RERG: variants seen among roughly 807,000 people sequenced by gnomAD.
RERG encodes RAS like estrogen regulated growth inhibitor.
A neutral mutation model predicts 23.2 loss-of-function variants in RERG; 25 were observed. The observed-to-expected ratio is 1.08, with a 90% CI of 0.79 to 1.50. The LOEUF (loss-of-function observed/expected upper bound fraction) is 1.50, where lower values mean the gene tolerates loss of function less well. Ranked by LOEUF, RERG falls within the 40% of genes most tolerant of loss-of-function variation. The probability of loss-of-function intolerance (pLI) is 0.00; values close to 1 mark genes in which losing one functional copy is unlikely to be tolerated. For missense variants in RERG, 253 were observed against 250.1 expected, an observed-to-expected ratio of 1.01 and a Z score of -0.08; for synonymous variants, 81 against 89.1, an observed-to-expected ratio of 0.91 and a Z score of 0.51.
intron 2 of RERG, among the ~76,000 whole-genome samples, chr12:15,169,701 C>A (rs575452541): frequency 6.6e-6 from 1 of 152,198 alleles, no homozygotes; most frequent in African/African-American, 2.4e-5. Flanking sequence ...CCCTAGAGAA[C>A]CCTAATACAA....
At chr12:15,214,557 A>G (rs1865414690) in intron 2 of RERG, among the ~76,000 whole-genome samples, 1 of 152,248 alleles carries the variant, frequency 6.6e-6, no homozygotes, top group African/African-American at 2.4e-5. Flanking sequence ...AGTTACCTAT[A>G]AGACTGATAA....
At chr12:15,119,335 T>C (rs558573741) in intron 3 of RERG, among the ~76,000 whole-genome samples, 1 of 152,248 alleles carries the variant, frequency 6.6e-6, no homozygotes, top group African/African-American at 2.4e-5. Context: ...ATGGTTAAAC[T>C]AAGACTAATT....
intron 2 of RERG, among the ~76,000 whole-genome samples, chr12:15,184,441 A>G (rs2136130798): frequency 6.6e-6 from 1 of 152,296 alleles, no homozygotes; most frequent in East Asian, 1.9e-4. Flanking sequence ...AAGAAAAAAA[A>G]AGAAATATGA....
intron 2 of RERG, among the ~76,000 whole-genome samples, chr12:15,197,142 C>G (rs1865156294): frequency 6.6e-6 from 1 of 152,148 alleles, no homozygotes; most frequent in African/African-American, 2.4e-5. Context: ...ATATGTCAGA[C>G]AAACACACAA....
chr12:15,167,251 A>G (rs1864708610), intron 2 of RERG, among the ~76,000 whole-genome samples: 1 of 152,138 alleles, frequency 6.6e-6, no homozygotes, highest in African/African-American at 2.4e-5. Context: ...TTGCCCTGAG[A>G]GGAGTCCAGG....
chr12:15,132,637 C>T (rs1438859416), intron 2 of RERG, among the ~76,000 whole-genome samples: 2 of 152,136 alleles, frequency 1.3e-5, no homozygotes, highest in Admixed American at 6.5e-5. Context: ...ACTGGCTGTA[C>T]CATTTTGCAT....
chr12:15,125,083 A>C (rs1225168862), intron 2 of RERG, among the ~76,000 whole-genome samples: 1 of 151,958 alleles, frequency 6.6e-6, no homozygotes, highest in African/African-American at 2.4e-5. Context: ...GTACCTTCAC[A>C]AAAAAATACA....
At chr12:15,189,823 A>T (rs1480451391) in intron 2 of RERG, among the ~76,000 whole-genome samples, 1 of 152,160 alleles carries the variant, frequency 6.6e-6, no homozygotes, top group Non-Finnish European at 1.5e-5. Flanking sequence ...TGTTCTCAAA[A>T]ATTCATGGAA....
chr12:15,191,438 C>T (rs1167299642), intron 2 of RERG, among the ~76,000 whole-genome samples: 1 of 152,108 alleles, frequency 6.6e-6, no homozygotes, highest in South Asian at 2.1e-4. Context: ...TAATCTATTC[C>T]TCATAGGGAA....
chr12:15,142,191 T>C (rs11613250), intron 2 of RERG, among the ~76,000 whole-genome samples: 33,163 of 152,104 alleles, frequency 0.22, 3,723 homozygotes, highest in Admixed American at 0.29. Context: ...TTTACATATT[T>C]TATCTTTTAG....
At chr12:15,126,828 CT>C (rs1187682316) in intron 2 of RERG, among the ~76,000 whole-genome samples, 3 of 149,430 alleles carry the variant, frequency 2.0e-5, no homozygotes, top group Admixed American at 1.4e-4. Context: ...TGCCATTCTC[CT>C]GCCTCAGCCT....
At chr12:15,123,093 G>A (rs749966934) in intron 2 of RERG, among the ~76,000 whole-genome samples, 1 of 152,182 alleles carries the variant, frequency 6.6e-6, no homozygotes, top group Non-Finnish European at 1.5e-5. Context: ...CACCGCGCCC[G>A]GCCAGACTAT....
chr12:15,220,712 C>G (rs984301820), intron 1 of RERG, among the ~76,000 whole-genome samples: 4 of 152,146 alleles, frequency 2.6e-5, no homozygotes, highest in African/African-American at 9.7e-5. Flanking sequence ...TTTAGGGAAG[C>G]AAAGACCCTA....
At chr12:15,109,639 T>C (rs1184346228) in intron 4 of RERG, 122 bp from the exon 5 acceptor site, 5 of 740,508 alleles carry the variant, frequency 6.8e-6, no homozygotes, top group Non-Finnish European at 1.1e-5. Context: ...TAAAATGTCG[T>C]GGTACTCTAA....
Position 15,110,463 on chromosome 12 carries a change from C to CTTTTTTTATTTTTTTTTTTTTTTTTTT in RERG, c.192+880_192+881insAAAAAAAAAAAAAAAAAAATAAAAAAA, listed in dbSNP as rs1863587097. 4.1e-5 allele frequency among the ~76,000 whole-genome samples: 3 copies of CTTTTTTTATTTTTTTTTTTTTTTTTTT among 73,082 alleles called. 1 individual carries two copies. The highest frequency in any genetic ancestry group is 1.8e-4 in the African/African-American group (3 of 16,736). The allele number at this position is 73,082 out of a possible 152,430, so 47.9% of individuals were successfully genotyped here. On this transcript the variant is annotated intron_variant, in intron 4 of 4. Coordinates refer to ENST00000256953, the MANE Select transcript of RERG (RefSeq NM_032918.3). ...CTGTCATTCCAGTGGCCATTTTTTT[C>CTTTTTTTATTTTTTTTTTTTTTTTTTT]TTTTTTTTTTTTTTTTTTTTTTTTT...
Position 15,211,284 on chromosome 12 carries a change from TACACACACACACACACAC to T in RERG, c.61+6127_61+6144del, listed in dbSNP as rs56263472. Reference sequence around the variant, plus strand: ...AAATGGATTTTAGAATGTCATTTTATACACACACACACACACACACACACACACACACACACACACACA... The same window carrying T: ...AAATGGATTTTAGAATGTCATTTTATACACACACACACACACACACACACA... On this transcript the variant is annotated intron_variant, in intron 2 of 4. Transcript: ENST00000256953. Among the ~76,000 whole-genome samples the T allele has an allele frequency of 7.0e-5, 10 of 142,870 alleles. No homozygotes were observed. In the East Asian group the frequency reaches 1.7e-3, roughly 24 times the overall value. 93.7% of individuals were successfully genotyped at this position (142,870 alleles called of 152,430 possible). A position where few individuals can be genotyped will look rare whatever the true frequency, so the allele number is the denominator to read the frequency against.
chr12:15,135,279 C>T (rs182119556), intron 2 of RERG, among the ~76,000 whole-genome samples: 164 of 152,200 alleles, frequency 1.1e-3, no homozygotes, highest in Admixed American at 1.9e-3. Context: ...GTAATCTTTC[C>T]GTAATTGCTT....
At chr12:15,181,571 C>A (rs1017503036) in intron 2 of RERG, among the ~76,000 whole-genome samples, 1 of 152,186 alleles carries the variant, frequency 6.6e-6, no homozygotes, top group African/African-American at 2.4e-5. Context: ...CTCCATTTCT[C>A]CGTCTGTAAG....
chr12:15,181,533 CTT>C (rs1339191571), intron 2 of RERG, among the ~76,000 whole-genome samples: 1 of 152,176 alleles, frequency 6.6e-6, no homozygotes, highest in Non-Finnish European at 1.5e-5. Flanking sequence ...GTTACATAAC[CTT>C]GGATATCATG....
Sources: allele counts gnomAD v4.1 joint callset (sites outside exome capture counted in the v4.1 genomes callset), GRCh38; gene constraint gnomAD v4.1.1; transcripts MANE v1.5; gene names NCBI Gene and HGNC (gene_info 2026-07-23, HGNC 2026-07-21).